MARCHF1: variants seen among roughly 807,000 people sequenced by gnomAD.
MARCHF1 encodes the protein membrane associated ring-CH-type finger 1, also known as E3 ubiquitin-protein ligase MARCHF1.
Under a neutral mutation model 54.2 loss-of-function variants are expected in MARCHF1, and 40 were observed. The observed-to-expected ratio is 0.74, with a 90% CI of 0.57 to 0.96. The LOEUF is 0.96. Among genes scored for constraint, MARCHF1 ranks in the 40% least tolerant of loss-of-function variants. The pLI is 0.00. For missense variants in MARCHF1, 586 were observed against 656.5 expected (o/e 0.89, Z 1.17); for synonymous variants, 236 against 236.3 (o/e 1.00, Z 0.01).
intron 1 of MARCHF1, among the ~76,000 whole-genome samples, chr4:164,320,798 G>C (rs997708035): frequency 3.3e-5 from 5 of 152,042 alleles, no homozygotes; most frequent in African/African-American, 1.2e-4. Context: ...AAATGTGTGT[G>C]GGGGGAGTGG....
intron 4 of MARCHF1, among the ~76,000 whole-genome samples, chr4:163,767,064 T>C (rs1746997861): frequency 1.4e-5 from 2 of 147,642 alleles, no homozygotes; most frequent in Non-Finnish European, 3.0e-5. Flanking sequence ...GTGTACATGC[T>C]GCTGTCTTTT....
intron 9 of MARCHF1, among the ~76,000 whole-genome samples, chr4:163,532,967 C>A (rs921450861): frequency 2.0e-5 from 3 of 152,034 alleles, no homozygotes; most frequent in Non-Finnish European, 4.4e-5. Flanking sequence ...CAGTTTTTTA[C>A]AATGGTAACC....
rs1738226892 is a variant in MARCHF1 at position 163,528,587 on chromosome 4, T to TTTG, written c.*158_*160dup. 1.0e-5 allele frequency: 7 copies of TTTG among 693,952 alleles called. No homozygotes were observed. The highest frequency in any genetic ancestry group is 5.5e-5 in the East Asian group (2 of 36,442). 43.0% of individuals were successfully genotyped at this position (693,952 alleles called of 1,614,324 possible). A position where few individuals can be genotyped will look rare whatever the true frequency, so the allele number is the denominator to read the frequency against. On this transcript the variant is annotated 3_prime_UTR_variant, in exon 10 of 10. Transcript: ENST00000514618. Reference sequence around the variant, plus strand: ...CATGGGCTCCTGGGCATTTGGTCTGTTTGTTTTTCTCCTTTCCTCTTTGAA... The same window carrying TTTG: ...CATGGGCTCCTGGGCATTTGGTCTGTTTGTTGTTTTTCTCCTTTCCTCTTTGAA...
Position 163,612,472 on chromosome 4 carries a change from T to A in MARCHF1, c.809A>T (p.His270Leu), listed in dbSNP as rs1435078533. The A allele has an allele frequency of 6.5e-7, 1 of 1,535,290 alleles. No individual in the cohort carries two copies. The highest frequency in any genetic ancestry group is 8.7e-7 in the Non-Finnish European group (1 of 1,146,440). ...NHEKSKGRYH[H>L]RDPQLLQSLR... ...ACTTTGCAAGAGCTGAGGATCTCTG[T>A]GGTGATATCTGCCTTTGCTCTTCTC... is the stretch of plus-strand genomic sequence containing the variant. The change falls in exon 7 of 10, where the codon CAC becomes CTC. Residue 270 changes from histidine to leucine, a missense_variant. Around this residue, in one of 3 missense-constraint regions of MARCHF1, gnomAD observed 387 missense variants for 394.6 expected, o/e 0.98. Coordinates refer to ENST00000514618, the MANE Select transcript of MARCHF1 (RefSeq NM_001394959.1).
chr4:163,893,739 C>T (rs187500776), intron 3 of MARCHF1, among the ~76,000 whole-genome samples: 29 of 152,112 alleles, frequency 1.9e-4, no homozygotes, highest in Non-Finnish European at 4.0e-4. Flanking sequence ...TGAATAAATG[C>T]ATAAATTAAT....
At chr4:163,776,849 G>T (rs1179636012) in intron 4 of MARCHF1, among the ~76,000 whole-genome samples, 1 of 152,110 alleles carries the variant, frequency 6.6e-6, no homozygotes. Context: ...AAAAATATTT[G>T]ATTTGAAATA....
At chr4:164,325,759 T>C (rs1035193618) in intron 1 of MARCHF1, among the ~76,000 whole-genome samples, 3 of 151,732 alleles carry the variant, frequency 2.0e-5, no homozygotes, top group African/African-American at 7.3e-5. Context: ...ACCTCAGTGC[T>C]CAAGAAAGAA....
intron 1 of MARCHF1, among the ~76,000 whole-genome samples, chr4:164,117,646 T>C (rs766295271): frequency 3.3e-5 from 5 of 152,038 alleles, no homozygotes; most frequent in Non-Finnish European, 7.4e-5. Flanking sequence ...ACATCTGTAA[T>C]CCCAGCACTT....
At chr4:164,323,975 A>T (rs1735209248) in intron 1 of MARCHF1, among the ~76,000 whole-genome samples, 1 of 151,896 alleles carries the variant, frequency 6.6e-6, no homozygotes, top group Non-Finnish European at 1.5e-5. Flanking sequence ...TCTTCAGTTG[A>T]TTTTAGAAAG....
At chr4:163,898,417 C>T (rs1286472417) in intron 3 of MARCHF1, among the ~76,000 whole-genome samples, 1 of 151,998 alleles carries the variant, frequency 6.6e-6, no homozygotes, top group Non-Finnish European at 1.5e-5. Flanking sequence ...GAGTAGTCAA[C>T]AAGCCCATGA....
At chr4:163,592,602 A>C (rs1740627349) in intron 7 of MARCHF1, among the ~76,000 whole-genome samples, 1 of 152,104 alleles carries the variant, frequency 6.6e-6, no homozygotes, top group African/African-American at 2.4e-5. Context: ...CAATAATGAA[A>C]GCAGAGGAGG....
At chr4:163,805,080 G>GAT (rs1172285460) in intron 4 of MARCHF1, among the ~76,000 whole-genome samples, 5 of 151,838 alleles carry the variant, frequency 3.3e-5, no homozygotes, top group African/African-American at 1.2e-4. Context: ...CTGTATATAT[G>GAT]ATATATATAC....
chr4:163,586,695 C>T (rs1740424323), intron 7 of MARCHF1, among the ~76,000 whole-genome samples: 1 of 152,094 alleles, frequency 6.6e-6, no homozygotes, highest in African/African-American at 2.4e-5. Flanking sequence ...TATCTATGGG[C>T]TTTCATATAT....
At chr4:164,001,620 A>G (rs1753188411) in intron 2 of MARCHF1, among the ~76,000 whole-genome samples, 1 of 151,924 alleles carries the variant, frequency 6.6e-6, no homozygotes. Context: ...GGTAATTCCT[A>G]CAATTTTCCA....
chr4:163,589,188 A>G (rs1224016295), intron 7 of MARCHF1, among the ~76,000 whole-genome samples: 1 of 152,106 alleles, frequency 6.6e-6, no homozygotes, highest in East Asian at 1.9e-4. Context: ...TTTCATTGAC[A>G]TTGAAAAAGT....
chr4:163,854,187 T>C lies in MARCHF1; in HGVS notation c.-38-18A>G. The C allele has an allele frequency of 6.8e-7, 1 of 1,475,156 alleles. No individual in the cohort carries two copies. Among genetic ancestry groups the C allele is most frequent in the East Asian group, 2.5e-5 (1 of 39,578 alleles). The allele number at this position is 1,475,156 out of a possible 1,614,324, so 91.4% of individuals were successfully genotyped here. A position where few individuals can be genotyped will look rare whatever the true frequency, so the allele number is the denominator to read the frequency against. On this transcript the variant is annotated intron_variant, in intron 3 of 9. Coordinates refer to ENST00000514618, the MANE Select transcript of MARCHF1 (RefSeq NM_001394959.1). ...CTGAAATTCTGAAAATAATTTACAT[T>C]CCCTGAAACAGGTCACTTATTTTAG...
chr4:164,076,466 T>G (rs1754984056), intron 2 of MARCHF1, among the ~76,000 whole-genome samples: 1 of 152,190 alleles, frequency 6.6e-6, no homozygotes, highest in Non-Finnish European at 1.5e-5. Context: ...AGCATTCCCT[T>G]TGAAAACTGG....
intron 3 of MARCHF1, among the ~76,000 whole-genome samples, chr4:163,950,465 C>T (rs916134554): frequency 2.0e-5 from 3 of 152,208 alleles, no homozygotes; most frequent in Admixed American, 1.3e-4. Flanking sequence ...CACTTCTGAG[C>T]CTGCAGCAGG....
At chr4:164,054,052 T>A (rs1474458099) in intron 2 of MARCHF1, among the ~76,000 whole-genome samples, 1 of 151,730 alleles carries the variant, frequency 6.6e-6, no homozygotes, top group African/African-American at 2.4e-5. Context: ...ATCTAGAATC[T>A]ACAATGAACT....
Sources: gnomAD v4.1 joint callset for allele counts (sites outside exome capture counted in the v4.1 genomes callset) on GRCh38, gnomAD v4.1.1 for gene constraint, gnomAD v4.1.1 regional missense constraint, MANE v1.5 for transcripts, NCBI Gene and HGNC (gene_info 2026-07-23, HGNC 2026-07-21) for gene names.